The following ROBO2 variants were observed in gnomAD, a reference collection of about 807,000 sequenced individuals.
The protein encoded by ROBO2 is roundabout guidance receptor 2, also known as roundabout homolog 2.
Under a neutral mutation model 160.8 loss-of-function variants are expected in ROBO2, and 53 were observed. That is an observed-to-expected ratio of 0.33 (90% CI 0.26 to 0.41). The LOEUF is 0.41. ROBO2 is among the 10% of genes least tolerant of loss of function. The probability of loss-of-function intolerance (pLI) is 1.00; values close to 1 mark genes in which losing one functional copy is unlikely to be tolerated. For missense variants in ROBO2, 1,577 were observed against 1,722.4 expected (o/e 0.92, Z 1.49); for synonymous variants, 664 against 611.7 (o/e 1.09, Z -1.26).
chr3:77,524,189 A>G (rs995789299), intron 6 of ROBO2, among the ~76,000 whole-genome samples: 1 of 151,292 alleles, frequency 6.6e-6, no homozygotes. Flanking sequence ...GATACAAAAC[A>G]TATTTAGACA....
chr3:75,945,728 T>G (rs9873784), intron 2 of ROBO2, among the ~76,000 whole-genome samples: 66,147 of 151,876 alleles, frequency 0.44, 15,697 homozygotes, highest in South Asian at 0.66. Flanking sequence ...CTAGAATAGT[T>G]AGCCAATGCA....
At chr3:75,989,408 G>A (rs763020027) in intron 2 of ROBO2, among the ~76,000 whole-genome samples, 63 of 152,196 alleles carry the variant, frequency 4.1e-4, no homozygotes, top group Non-Finnish European at 6.6e-4. Context: ...GAGCCACTGC[G>A]CCAGGCCAAA....
intron 2 of ROBO2, among the ~76,000 whole-genome samples, chr3:77,178,657 C>T (rs1297862797): frequency 6.6e-6 from 1 of 151,832 alleles, no homozygotes; most frequent in African/African-American, 2.4e-5. Context: ...TTTTATACCC[C>T]CCACAGTGTG....
intron 2 of ROBO2, among the ~76,000 whole-genome samples, chr3:76,384,830 C>T (rs1037784302): frequency 2.0e-5 from 3 of 152,178 alleles, no homozygotes; most frequent in Non-Finnish European, 2.9e-5. Context: ...AACCTGATTC[C>T]TCCCACGACA....
rs139823849 is a variant in ROBO2 at position 76,534,227 on chromosome 3, T to A, written c.110-563787T>A. 2.9e-3 allele frequency among the ~76,000 whole-genome samples: 445 copies of A among 152,178 alleles called. 5 individuals are homozygous for A. Among genetic ancestry groups the A allele is most frequent in the African/African-American group, 0.01 (430 of 41,486 alleles). ...ATGAGTTAATTTAGTAAATTTCAGG[T>A]CTAGGGCTCATTTTTATGTGGCTAA... On this transcript the variant is annotated intron_variant, in intron 2 of 26. Coordinates refer to the ROBO2 transcript ENST00000487694.
At chr3:76,238,335 G>T (rs980392799) in intron 2 of ROBO2, among the ~76,000 whole-genome samples, 1 of 152,144 alleles carries the variant, frequency 6.6e-6, no homozygotes, top group Non-Finnish European at 1.5e-5. Context: ...ACTTCTTCAC[G>T]TGGTAGCAGG....
intron 2 of ROBO2, among the ~76,000 whole-genome samples, chr3:76,450,651 T>A (rs989915661): frequency 6.6e-6 from 1 of 152,090 alleles, no homozygotes; most frequent in African/African-American, 2.4e-5. Flanking sequence ...TGTGATGAAG[T>A]TATGTGACTT....
chr3:77,516,696 A>G lies in ROBO2; in HGVS notation c.807-6079A>G, dbSNP rs77538796. On this transcript the variant is annotated intron_variant, in intron 5 of 25. Coordinates refer to ENST00000461745, the Ensembl canonical transcript of ROBO2. ...TCCATATAGCTAGTAGCATTAACGAATTAAATATTCCAAGTTCTTACATTT... is the reference window on the plus strand; with the variant it reads ...TCCATATAGCTAGTAGCATTAACGAGTTAAATATTCCAAGTTCTTACATTT... Among the ~76,000 whole-genome samples, 15 of 151,770 alleles carry G rather than the reference A, an allele frequency of 9.9e-5. No individual in the cohort carries two copies. The Middle Eastern group carries it at 0.01, about 103-fold the overall frequency.
intron 2 of ROBO2, among the ~76,000 whole-genome samples, chr3:76,821,930 A>C (rs2066155427): frequency 6.6e-6 from 1 of 152,024 alleles, no homozygotes; most frequent in Admixed American, 6.6e-5. Context: ...CTCATATGCC[A>C]TTGCAAAAAG....
At chr3:77,221,511 C>A (rs1374472957) in intron 2 of ROBO2, among the ~76,000 whole-genome samples, 1 of 152,144 alleles carries the variant, frequency 6.6e-6, no homozygotes, top group Non-Finnish European at 1.5e-5. Context: ...CATATCTACA[C>A]CTCCCACAAA....
rs2094572333 is a variant in ROBO2, at chr3:77,608,814, T to C, written c.3293+860T>C. On this transcript the variant is annotated intron_variant, in intron 21 of 25. Transcript: ENST00000461745. ...AAAAGCAGTTTTTCTTTTCACAGGA[T>C]TTTTTTTCACTTAGAAATAGTTAGA... Among the ~76,000 whole-genome samples, 10 of 151,914 alleles carry C rather than the reference T, an allele frequency of 6.6e-5. No individual in the cohort carries two copies. In the South Asian group the frequency reaches 2.1e-3, roughly 32 times the overall value.
At chr3:77,135,944 C>G (rs1274357395) in intron 2 of ROBO2, among the ~76,000 whole-genome samples, 1 of 152,156 alleles carries the variant, frequency 6.6e-6, no homozygotes, top group East Asian at 1.9e-4. Context: ...TTCATATAAA[C>G]TTTCCATGTA....
intron 2 of ROBO2, among the ~76,000 whole-genome samples, chr3:76,325,342 A>G (rs1262550319): frequency 6.6e-6 from 1 of 152,226 alleles, no homozygotes; most frequent in Non-Finnish European, 1.5e-5. Context: ...AACTAAGTTT[A>G]CTATAGGATG....
intron 9 of ROBO2, among the ~76,000 whole-genome samples, chr3:77,562,427 T>C (rs2093351527): frequency 1.3e-5 from 2 of 152,076 alleles, no homozygotes; most frequent in African/African-American, 2.4e-5. Flanking sequence ...AACATTGAGG[T>C]GCATAAATAT....
chr3:76,758,213 T>G (rs1383093060), intron 2 of ROBO2, among the ~76,000 whole-genome samples: 1 of 151,646 alleles, frequency 6.6e-6, no homozygotes, highest in Non-Finnish European at 1.5e-5. Flanking sequence ...GAAAAAAAAA[T>G]ACCATCCATT....
chr3:77,426,911 T>C (rs936842593), intron 2 of ROBO2, among the ~76,000 whole-genome samples: 9 of 152,178 alleles, frequency 5.9e-5, no homozygotes, highest in Admixed American at 2.0e-4. Flanking sequence ...AAAGTTCATA[T>C]AGGGTAAGAA....
chr3:76,745,614 C>G lies in ROBO2; in HGVS notation c.110-352400C>G, dbSNP rs559475260. On this transcript the variant is annotated intron_variant, in intron 2 of 26. Coordinates refer to the ROBO2 transcript ENST00000487694. Reference sequence around the variant, plus strand: ...CTTGTCTCTGTTCCTGATTGTGGCCCTTTTGTGTGTGCTTGAGCATCTTGA... The same window carrying G: ...CTTGTCTCTGTTCCTGATTGTGGCCGTTTTGTGTGTGCTTGAGCATCTTGA... Among the ~76,000 whole-genome samples the G allele has an allele frequency of 8.3e-4, 126 of 152,020 alleles. 2 individuals are homozygous for G. Among genetic ancestry groups the G allele is most frequent in the Admixed American group, 8.2e-3 (125 of 15,248 alleles).
chr3:76,119,916 C>CCCTCCCTCCCTTCCTCCCTT (rs1377854643), intron 2 of ROBO2, among the ~76,000 whole-genome samples: 1 of 88,118 alleles, frequency 1.1e-5, no homozygotes, highest in South Asian at 5.3e-4. Context: ...TTCCCTCCCT[C>CCCTCCCTCCCTTCCTCCCTT]CCTTCCTTCC....
At chr3:76,186,676 T>C (rs1174113223) in intron 2 of ROBO2, among the ~76,000 whole-genome samples, 1 of 152,102 alleles carries the variant, frequency 6.6e-6, no homozygotes, top group African/African-American at 2.4e-5. Flanking sequence ...CCATCTGCAA[T>C]AATAAAAACA....
Sources: allele counts gnomAD v4.1 joint callset (sites outside exome capture counted in the v4.1 genomes callset), GRCh38; gene constraint gnomAD v4.1.1; transcripts MANE v1.5; gene names NCBI Gene and HGNC (gene_info 2026-07-23, HGNC 2026-07-21).